The following GRIP1 variants were observed in gnomAD, a reference collection of about 807,000 sequenced individuals.
The protein encoded by GRIP1 is glutamate receptor interacting protein 1.
A neutral mutation model predicts 129.9 loss-of-function variants in GRIP1; 45 were observed. The ratio of observed to expected loss-of-function variants is 0.35; its 90% CI spans 0.27 to 0.44. GRIP1 has a LOEUF of 0.44. Among genes scored for constraint, GRIP1 ranks in the 20% least tolerant of loss-of-function variants. The probability of loss-of-function intolerance (pLI) is 1.00; values close to 1 mark genes in which losing one functional copy is unlikely to be tolerated. For synonymous variants in GRIP1, 530 were observed against 520.8 expected (o/e 1.02, Z -0.24); for missense variants, 1,196 against 1,396.8 (o/e 0.86, Z 2.29).
At chr12:66,952,678 T>C (rs1485571065) in intron 1 of GRIP1, among the ~76,000 whole-genome samples, 2 of 152,200 alleles carry the variant, frequency 1.3e-5, no homozygotes, top group African/African-American at 2.4e-5. Flanking sequence ...CAAAACATGA[T>C]ATTTCATCTC....
At chr12:66,923,227 T>A (rs2041242035) in intron 1 of GRIP1, among the ~76,000 whole-genome samples, 1 of 152,088 alleles carries the variant, frequency 6.6e-6, no homozygotes. Context: ...ATTCCTGTAA[T>A]CCCAGCATTT....
chr12:66,454,151 T>C (rs369216425), intron 11 of GRIP1, among the ~76,000 whole-genome samples: 1 of 152,012 alleles, frequency 6.6e-6, no homozygotes, highest in East Asian at 1.9e-4. Context: ...TTCAGTTTCC[T>C]GTATCATGAA....
At chr12:66,420,677 T>C (rs762101370) in intron 15 of GRIP1, 43 bp downstream of exon 15, 1 of 1,060,906 alleles carries the variant, frequency 9.4e-7, no homozygotes, top group South Asian at 1.2e-5. Flanking sequence ...TTACTTAAAT[T>C]AAGAGAGGCC....
At chr12:66,515,084 A>T (rs186448428) in intron 7 of GRIP1, among the ~76,000 whole-genome samples, 46 of 152,244 alleles carry the variant, frequency 3.0e-4, no homozygotes, top group African/African-American at 4.6e-4. Context: ...ATCATAATTT[A>T]AAAAAAGAAA....
At chr12:66,965,468 T>G (rs1231348542) in intron 1 of GRIP1, among the ~76,000 whole-genome samples, 2 of 151,514 alleles carry the variant, frequency 1.3e-5, no homozygotes, top group East Asian at 3.9e-4. Flanking sequence ...ACTCCAAAGA[T>G]GGAAAAGGAG....
chr12:66,657,713 C>G (rs189208511), intron 1 of GRIP1, among the ~76,000 whole-genome samples: 48 of 152,174 alleles, frequency 3.2e-4, no homozygotes, highest in Non-Finnish European at 5.3e-4. Context: ...CCAGCCCTGA[C>G]GGGTTTCCTT....
intron 1 of GRIP1, among the ~76,000 whole-genome samples, chr12:66,725,600 G>A (rs2036228646): frequency 6.6e-6 from 1 of 152,038 alleles, no homozygotes; most frequent in Non-Finnish European, 1.5e-5. Flanking sequence ...ATGTACATGT[G>A]AAAATTCACA....
Position 66,720,703 on chromosome 12 carries a change from T to C in GRIP1, c.-420+83350A>G, listed in dbSNP as rs572208263. Among the ~76,000 whole-genome samples, 3 of 152,334 alleles carry C rather than the reference T, an allele frequency of 2.0e-5. No homozygotes were observed. The South Asian group carries it at 6.2e-4, about 32-fold the overall frequency. On this transcript the variant is annotated intron_variant, in intron 1 of 4. Coordinates refer to the GRIP1 transcript ENST00000538373. ...TCCATAAGAAGCAACTCATTATCTG[T>C]TCAAGTTTTATCATGAGATTGCAGC...
chr12:66,383,117 C>T (rs769607224), intron 19 of GRIP1, among the ~76,000 whole-genome samples: 6 of 151,896 alleles, frequency 4.0e-5, no homozygotes, highest in Admixed American at 2.6e-4. Flanking sequence ...GCCAACATAG[C>T]GAAAGCCCAT....
intron 1 of GRIP1, among the ~76,000 whole-genome samples, chr12:66,930,415 G>T (rs2041374584): frequency 6.6e-6 from 1 of 150,770 alleles, no homozygotes; most frequent in Non-Finnish European, 1.5e-5. Flanking sequence ...TTTCATCCAT[G>T]TCCCTACAAA....
chr12:66,512,019 T>A (rs764437491), intron 7 of GRIP1, among the ~76,000 whole-genome samples: 4 of 152,102 alleles, frequency 2.6e-5, no homozygotes, highest in Admixed American at 2.6e-4. Flanking sequence ...GATCTGATGG[T>A]TTAAAAGTGC....
At chr12:66,852,184 TG>T (rs2039924440) in intron 1 of GRIP1, among the ~76,000 whole-genome samples, 1 of 152,088 alleles carries the variant, frequency 6.6e-6, no homozygotes, top group African/African-American at 2.4e-5. Context: ...GAAATCTTTT[TG>T]TACCTACTTT....
intron 7 of GRIP1, among the ~76,000 whole-genome samples, chr12:66,466,604 A>G (rs2138366963): frequency 6.6e-6 from 1 of 151,710 alleles, no homozygotes; most frequent in Admixed American, 6.6e-5. Context: ...ACAATTAACA[A>G]TACTAAAACT....
chr12:66,674,139 G>C (rs575907874), intron 1 of GRIP1, among the ~76,000 whole-genome samples: 1 of 152,254 alleles, frequency 6.6e-6, no homozygotes, highest in East Asian at 1.9e-4. Context: ...GGGGAGACAG[G>C]AGAAATGAGG....
intron 1 of GRIP1, among the ~76,000 whole-genome samples, chr12:66,789,116 T>A (rs1418885313): frequency 6.6e-6 from 1 of 152,184 alleles, no homozygotes; most frequent in Non-Finnish European, 1.5e-5. Context: ...TCTATTAGGT[T>A]GACAGAATAT....
Position 66,498,074 on chromosome 12 carries a change from A to C in GRIP1, c.724+17545T>G, listed in dbSNP as rs553899675. 5.4e-3 allele frequency among the ~76,000 whole-genome samples: 819 copies of C among 151,992 alleles called. 8 individuals carry two copies. Among genetic ancestry groups the C allele is most frequent in the African/African-American group, 0.019 (779 of 41,334 alleles). On this transcript the variant is annotated intron_variant, in intron 7 of 24. Transcript: ENST00000359742. The stretch of plus-strand genomic sequence containing the variant: ...CAAACCCTCTTTGACTGTAATTTTC[A>C]TTTACCTACCCAAATCCTATAAAAC...
intron 1 of GRIP1, among the ~76,000 whole-genome samples, chr12:66,706,762 A>T (rs1487545116): frequency 6.6e-6 from 1 of 152,074 alleles, no homozygotes; most frequent in African/African-American, 2.4e-5. Context: ...AAACTAACAC[A>T]ATAACAGAAA....
At chr12:66,859,118 G>A (rs1406281235) in intron 1 of GRIP1, among the ~76,000 whole-genome samples, 1 of 151,748 alleles carries the variant, frequency 6.6e-6, no homozygotes, top group Non-Finnish European at 1.5e-5. Flanking sequence ...TGAGCCATAT[G>A]AAGGAATGTG....
At chr12:66,403,480 A>G (rs1166380862) in intron 16 of GRIP1, among the ~76,000 whole-genome samples, 1 of 152,160 alleles carries the variant, frequency 6.6e-6, no homozygotes, top group African/African-American at 2.4e-5. Context: ...GTTATGAGGG[A>G]AGAGGATACT....
Sources: allele counts gnomAD v4.1 joint callset (sites outside exome capture counted in the v4.1 genomes callset), GRCh38; gene constraint gnomAD v4.1.1; transcripts MANE v1.5; gene names NCBI Gene and HGNC (gene_info 2026-07-23, HGNC 2026-07-21).